CCDC88C: variants seen among roughly 807,000 people sequenced by gnomAD.
CCDC88C encodes protein Daple.
CCDC88C carries 131 observed loss-of-function variants against 198.8 expected under a neutral mutation model. That is an observed-to-expected ratio of 0.66 (90% CI 0.57 to 0.76). The LOEUF (loss-of-function observed/expected upper bound fraction) is 0.76. Ranked by LOEUF, CCDC88C falls within the 30% of genes least tolerant of loss-of-function variation. The pLI is 0.00. For missense variants in CCDC88C, 2,553 were observed against 2,631.6 expected, an observed-to-expected ratio of 0.97 and a Z score of 0.65; for synonymous variants, 1,166 against 1,114.7, an observed-to-expected ratio of 1.05 and a Z score of -0.92.
Position 91,313,255 on chromosome 14 carries a change from A to C in CCDC88C, c.2561T>G (p.Val854Gly). The change falls in exon 15 of 30, where the codon GTC becomes GGC. Residue 854 changes from valine (V) to glycine (G), a missense_variant. By Grantham distance (109) the Val-to-Gly change is moderately radical (BLOSUM62 -3). Transcript: ENST00000389857. The surrounding 1 kb of genome is among the most constrained non-coding windows in gnomAD (Gnocchi z 5.2). ...CAGTTTGGCAGTGCTATCGTCCAAG[A>C]CTGCATCCTTGAGCTCCACCTGCTG... ...LWQQVELKDA[V>G]LDDSTAKLSA... The C allele has an allele frequency of 6.2e-7, 1 of 1,613,952 alleles. No individual in the cohort carries two copies. Among genetic ancestry groups the C allele is most frequent in the Non-Finnish European group, 8.5e-7 (1 of 1,179,896 alleles).
rs747290112 is a variant in CCDC88C, at chr14:91,339,925, G to A, written c.583C>T (p.His195Tyr). The A allele has an allele frequency of 1.3e-6, 2 of 1,595,082 alleles. No individual in the cohort carries two copies. The highest frequency in any genetic ancestry group is 1.7e-6 in the Non-Finnish European group (2 of 1,172,096). Residue 195 changes from histidine to tyrosine, a missense_variant, in exon 7 of 30, where the codon CAC becomes TAC. Transcript: ENST00000389857. The surrounding 1 kb of genome is among the most constrained non-coding windows in gnomAD (Gnocchi z 5.8). ...CGCTGGTCGATGAGCCTCCGCAGGTGGAGCACCATGCTCCTCGACAGGGCC... is the reference window on the plus strand; with the variant it reads ...CGCTGGTCGATGAGCCTCCGCAGGTAGAGCACCATGCTCCTCGACAGGGCC... ...LEALSRSMVL[H>Y]LRRLIDQRDE... is the part of the protein sequence containing the mutation.
intron 3 of CCDC88C, chr14:91,408,357 T>G (rs749506045): frequency 9.5e-6 from 3 of 316,880 alleles, no homozygotes; most frequent in Non-Finnish European, 1.8e-5. Context: ...TTCCAGCCAG[T>G]CCCCACTCAA....
At chr14:91,361,305 T>G (rs1430198793) in intron 3 of CCDC88C, among the ~76,000 whole-genome samples, 2 of 152,138 alleles carry the variant, frequency 1.3e-5, no homozygotes, top group Admixed American at 1.3e-4. Flanking sequence ...TTGCATAACA[T>G]GCGGAATCTC....
intron 3 of CCDC88C, among the ~76,000 whole-genome samples, chr14:91,390,141 T>C (rs930169795): frequency 8.6e-5 from 13 of 151,732 alleles, no homozygotes; most frequent in Non-Finnish European, 1.8e-4. Context: ...TGAGTCCTGC[T>C]CAATGAGCCA....
At chr14:91,403,180 A>G (rs1886308780) in intron 3 of CCDC88C, among the ~76,000 whole-genome samples, 1 of 152,216 alleles carries the variant, frequency 6.6e-6, no homozygotes, top group Non-Finnish European at 1.5e-5. Context: ...GGAGAGGCGC[A>G]TGAAGAAACA....
chr14:91,306,987 A>G, intron 18 of CCDC88C, 51 bp downstream of exon 18: 1 of 1,482,378 alleles, frequency 6.7e-7, no homozygotes, highest in Non-Finnish European at 9.1e-7. Flanking sequence ...CTGATAAGGC[A>G]GTCTCTCTCT....
intron 3 of CCDC88C, among the ~76,000 whole-genome samples, chr14:91,370,711 A>G (rs796639497): frequency 1.2e-4 from 19 of 152,036 alleles, no homozygotes; most frequent in African/African-American, 3.9e-4. Context: ...CGGCAACCAC[A>G]GGTGCGGATG....
intron 12 of CCDC88C, 49 bp downstream of exon 12, chr14:91,324,730 C>G: frequency 6.3e-7 from 1 of 1,598,862 alleles, no homozygotes; most frequent in Non-Finnish European, 8.5e-7. Context: ...TCCCTGGAGG[C>G]AGCGGCGGCC....
chr14:91,277,796 T>C (rs892648870), intron 29 of CCDC88C, 126 bp downstream of exon 29: 35 of 1,098,032 alleles, frequency 3.2e-5, no homozygotes, highest in Non-Finnish European at 4.0e-5. Flanking sequence ...CAGCCTCTCA[T>C]GTCCAAGCCA....
At chr14:91,311,129 G>T (rs1261344871) in intron 15 of CCDC88C, among the ~76,000 whole-genome samples, 1 of 152,190 alleles carries the variant, frequency 6.6e-6, no homozygotes, top group Admixed American at 6.5e-5. Context: ...CTGGACTGCT[G>T]GGTCAAGCAG....
In CCDC88C at chr14:91,297,467, C is replaced by T; in HGVS notation, c.3804G>A (p.Leu1268=). The T allele has an allele frequency of 1.3e-6, 2 of 1,564,438 alleles. No individual in the cohort carries two copies. The highest frequency in any genetic ancestry group is 1.2e-5 in the South Asian group (1 of 85,008). The change falls in exon 22 of 30, where the codon CTG becomes CTA. Residue 1268 remains leucine (L), a synonymous_variant. Transcript: ENST00000389857. The stretch of plus-strand genomic sequence containing the variant: ...CGTGCAGCTCCTCGTACTCCCCCTT[C>T]AGCTGGTGGTGCAGGAAATTGACCC... The part of the protein sequence containing the change: ...LDRVNFLHHQ[L]KGEYEELHAH...
chr14:91,272,956 C>CCAGCAG lies in CCDC88C; in HGVS notation c.5750_5755dup (p.Ala1917_Ala1918dup). 2 of 1,558,440 alleles carry CCAGCAG rather than the reference C, an allele frequency of 1.3e-6. No homozygotes were observed. The highest frequency in any genetic ancestry group is 1.2e-5 in the South Asian group (1 of 85,762). Reference sequence around the variant, plus strand: ...CAGGAGCTGGGAGTTGCTGCCACTGCCAGCAGCAGCAGCACCAGCACCTGC... The same window carrying CCAGCAG: ...CAGGAGCTGGGAGTTGCTGCCACTGCCAGCAGCAGCAGCAGCAGCACCAGCACCTGC... On this transcript the variant is annotated inframe_insertion, in exon 30 of 30. Coordinates refer to ENST00000389857, the MANE Select transcript of CCDC88C (RefSeq NM_001080414.4).
intron 10 of CCDC88C, among the ~76,000 whole-genome samples, chr14:91,336,649 T>TC (rs1893057299): frequency 6.6e-6 from 1 of 152,124 alleles, no homozygotes; most frequent in African/African-American, 2.4e-5. Context: ...CGGTCTACCC[T>TC]CCCCACCCCT....
intron 17 of CCDC88C, 111 bp downstream of exon 17, chr14:91,308,240 T>G (rs1891644934): frequency 7.8e-7 from 1 of 1,285,136 alleles, no homozygotes; most frequent in Non-Finnish European, 1.1e-6. Context: ...CATCTACCCC[T>G]GCCCTAGAAA....
chr14:91,415,905 T>C (rs941017411), intron 2 of CCDC88C, among the ~76,000 whole-genome samples: 4 of 152,154 alleles, frequency 2.6e-5, no homozygotes, highest in Non-Finnish European at 4.4e-5. Flanking sequence ...TGCTCAGTCG[T>C]AGGTGAATAG....
At chr14:91,326,835 A>C (rs1359389338) in intron 10 of CCDC88C, among the ~76,000 whole-genome samples, 1 of 152,240 alleles carries the variant, frequency 6.6e-6, no homozygotes, top group African/African-American at 2.4e-5. Context: ...AAACACTCTT[A>C]GATAACAAAA....
chr14:91,372,022 C>T (rs892098321), intron 3 of CCDC88C, among the ~76,000 whole-genome samples: 21 of 152,164 alleles, frequency 1.4e-4, no homozygotes, highest in East Asian at 7.7e-4. Context: ...CCTCAGGGTA[C>T]GAGCACCACA....
chr14:91,363,879 G>T (rs761930325), intron 3 of CCDC88C, among the ~76,000 whole-genome samples: 5 of 152,236 alleles, frequency 3.3e-5, no homozygotes, highest in Non-Finnish European at 7.3e-5. Flanking sequence ...GGAGGCTGCT[G>T]ACGAGGGGAC....
chr14:91,406,075 C>T (rs576156544), intron 3 of CCDC88C, among the ~76,000 whole-genome samples: 30 of 152,138 alleles, frequency 2.0e-4, no homozygotes, highest in Non-Finnish European at 4.0e-4. Flanking sequence ...GGTGGGCTGG[C>T]CATCTTTTAC....
Sources: gnomAD v4.1 joint callset for allele counts (sites outside exome capture counted in the v4.1 genomes callset) on GRCh38, gnomAD v4.1.1 for gene constraint, Gnocchi (gnomAD v3.1) non-coding constraint, MANE v1.5 for transcripts, NCBI Gene and HGNC (gene_info 2026-07-23, HGNC 2026-07-21) for gene names.